Variants in AGBL1 observed in about 807,000 individuals in gnomAD.
The protein encoded by AGBL1 is AGBL carboxypeptidase 1, also known as cytosolic carboxypeptidase 4.
AGBL1 carries 130 observed loss-of-function variants against 118.9 expected under a neutral mutation model. That is an observed-to-expected ratio of 1.09 (90% CI 0.95 to 1.26). The LOEUF (loss-of-function observed/expected upper bound fraction) is 1.26. Ranked by LOEUF, AGBL1 falls within the 50% of genes most tolerant of loss-of-function variation. AGBL1 has a pLI of 0.00. For missense variants in AGBL1, 1,584 were observed against 1,298.1 expected (o/e 1.22, Z -3.38); for synonymous variants, 555 against 478.9 (o/e 1.16, Z -2.08).
intron 1 of AGBL1, among the ~76,000 whole-genome samples, chr15:86,099,545 T>TC: frequency 6.6e-6 from 1 of 151,758 alleles, no homozygotes. Context: ...TGCCTATTTT[T>TC]TTTTTTTTTT....
intron 21 of AGBL1, among the ~76,000 whole-genome samples, chr15:86,663,824 A>C (rs1157813232): frequency 6.6e-6 from 1 of 152,168 alleles, no homozygotes; most frequent in African/African-American, 2.4e-5. Flanking sequence ...ACTTAATTAC[A>C]TAACTTTTTA....
chr15:86,616,458 G>T (rs2084727611), intron 21 of AGBL1, among the ~76,000 whole-genome samples: 1 of 152,088 alleles, frequency 6.6e-6, no homozygotes, highest in Non-Finnish European at 1.5e-5. Context: ...ATTGCAGTGG[G>T]CAGGGTGATA....
chr15:86,768,937 C>T (rs1042699330), intron 22 of AGBL1, among the ~76,000 whole-genome samples: 4 of 151,910 alleles, frequency 2.6e-5, no homozygotes, highest in African/African-American at 4.8e-5. Context: ...TGTTGTCAGA[C>T]ACTGTAAAGG....
chr15:86,775,380 C>G lies in AGBL1; in HGVS notation c.3158+100944C>G, dbSNP rs187302431. Among the ~76,000 whole-genome samples, 5 of 152,236 alleles carry G rather than the reference C, an allele frequency of 3.3e-5. No homozygotes were observed. In the East Asian group the frequency reaches 7.7e-4, roughly 24 times the overall value. Reference sequence around the variant, plus strand: ...ATTGGGATCTCCTGGTGACCATACACTTCTCTTGATGAAATAGCATGCTCA... The same window carrying G: ...ATTGGGATCTCCTGGTGACCATACAGTTCTCTTGATGAAATAGCATGCTCA... On this transcript the variant is annotated intron_variant, in intron 22 of 22. Transcript: ENST00000614907.
At chr15:86,440,361 T>C (rs559312296) in intron 18 of AGBL1, among the ~76,000 whole-genome samples, 1 of 152,004 alleles carries the variant, frequency 6.6e-6, no homozygotes, top group Non-Finnish European at 1.5e-5. Context: ...TACTCAGAAA[T>C]TGATGTCTTT....
intron 6 of AGBL1, among the ~76,000 whole-genome samples, chr15:86,241,733 T>A (rs1208376716): frequency 6.6e-6 from 1 of 152,186 alleles, no homozygotes; most frequent in South Asian, 2.1e-4. Flanking sequence ...CTTAATACTA[T>A]CACATTGACA....
chr15:86,472,323 G>A (rs2082489647), intron 18 of AGBL1, among the ~76,000 whole-genome samples: 1 of 152,138 alleles, frequency 6.6e-6, no homozygotes, highest in Admixed American at 6.5e-5. Flanking sequence ...TAAGGTTCAG[G>A]CATTTTTACT....
At chr15:86,600,604 T>C (rs2084478134) in intron 21 of AGBL1, among the ~76,000 whole-genome samples, 1 of 152,062 alleles carries the variant, frequency 6.6e-6, no homozygotes, top group East Asian at 1.9e-4. Flanking sequence ...CTTTTTGTTT[T>C]CCTACAGAAG....
Position 86,836,519 on chromosome 15 carries a change from C to G in AGBL1, c.3159-70568C>G, listed in dbSNP as rs527410360. Among the ~76,000 whole-genome samples the G allele has an allele frequency of 3.2e-3, 487 of 152,276 alleles. 3 individuals carry two copies. Among genetic ancestry groups the G allele is most frequent in the Non-Finnish European group, 5.4e-3 (366 of 68,024 alleles). ...TTTCAGATTCTACTTTTTCTCAGGT[C>G]CTCCAACAGTCTGTTCTCACCCCAA... is the stretch of plus-strand genomic sequence containing the variant. On this transcript the variant is annotated intron_variant, in intron 22 of 22. Transcript: ENST00000614907.
chr15:86,393,789 T>A (rs1371366752), intron 17 of AGBL1, among the ~76,000 whole-genome samples: 1 of 152,132 alleles, frequency 6.6e-6, no homozygotes, highest in Non-Finnish European at 1.5e-5. Context: ...AATTATATGT[T>A]GAAATCCTAA....
intron 21 of AGBL1, among the ~76,000 whole-genome samples, chr15:86,648,308 G>T (rs887688041): frequency 6.6e-6 from 1 of 152,186 alleles, no homozygotes; most frequent in African/African-American, 2.4e-5. Context: ...TGGGGTGCTA[G>T]ACTTGAGAGT....
intron 7 of AGBL1, among the ~76,000 whole-genome samples, chr15:86,252,234 C>T (rs1245505019): frequency 6.6e-6 from 1 of 152,170 alleles, no homozygotes; most frequent in Non-Finnish European, 1.5e-5. Context: ...TCAGAAAGCA[C>T]AGTAGGCCAA....
At chr15:86,883,500 T>C (rs1464440645) in intron 22 of AGBL1, among the ~76,000 whole-genome samples, 15 of 152,210 alleles carry the variant, frequency 9.9e-5, no homozygotes, top group Admixed American at 6.5e-5. Context: ...TGTTCCTCTT[T>C]AGAGACACCT....
chr15:86,860,100 A>T (rs12440042), intron 22 of AGBL1, among the ~76,000 whole-genome samples: 1 of 152,020 alleles, frequency 6.6e-6, no homozygotes, highest in Non-Finnish European at 1.5e-5. Flanking sequence ...TCAAAGCCCT[A>T]CGAACCTAAC....
At chr15:86,878,372 G>A (rs62032641) in intron 22 of AGBL1, among the ~76,000 whole-genome samples, 17,715 of 152,170 alleles carry the variant, frequency 0.12, 1,317 homozygotes, top group Non-Finnish European at 0.16. Flanking sequence ...CAAAACCTTT[G>A]TTTACAAAAA....
intron 5 of AGBL1, among the ~76,000 whole-genome samples, chr15:86,190,604 C>G (rs1295246301): frequency 6.6e-6 from 1 of 152,176 alleles, no homozygotes; most frequent in Admixed American, 6.5e-5. Flanking sequence ...GTTCCCTCCT[C>G]CTCTTCCTAT....
chr15:86,634,480 A>G (rs970771438), intron 21 of AGBL1, among the ~76,000 whole-genome samples: 2 of 152,314 alleles, frequency 1.3e-5, no homozygotes, highest in Admixed American at 6.5e-5. Flanking sequence ...GCACAATTCT[A>G]TTTATAGGAA....
In AGBL1 at chr15:86,247,678, C is replaced by G. The variant is rs370819428; in HGVS notation, c.534C>G (p.Asn178Lys). ...CTTTCCCTTTGTTTTCAGAGTCGAA[C>G]GGCCGCAGAGCAGTGAACCGAGGCT... is the stretch of plus-strand genomic sequence containing the variant. Reference protein sequence around the residue: ...VLAALLKSKSNGRRAVNRGYV... With the variant: ...VLAALLKSKSKGRRAVNRGYV... Residue 178 changes from asparagine to lysine, a missense_variant, in exon 7 of 23, where the codon AAC becomes AAG. Physicochemically the swap from Asn to Lys is moderately conservative, Grantham distance 94. Transcript: ENST00000614907. 6.2e-7 allele frequency: 1 copy of G among 1,603,266 alleles called. No homozygotes were observed.
intron 24 of AGBL1, among the ~76,000 whole-genome samples, chr15:87,016,839 G>A (rs1057249529): frequency 6.6e-6 from 1 of 152,144 alleles, no homozygotes; most frequent in African/African-American, 2.4e-5. Flanking sequence ...CAGCAGATCA[G>A]GGATCCCCTT....
Sources: gnomAD v4.1 joint callset for allele counts (sites outside exome capture counted in the v4.1 genomes callset) on GRCh38, gnomAD v4.1.1 for gene constraint, MANE v1.5 for transcripts, NCBI Gene and HGNC (gene_info 2026-07-23, HGNC 2026-07-21) for gene names.